The following ADAMTS20 variants were observed in gnomAD, a reference collection of about 807,000 sequenced individuals.
The protein encoded by ADAMTS20 is ADAM metallopeptidase with thrombospondin type 1 motif 20.
In ADAMTS20, 225 loss-of-function variants were observed where a neutral mutation model predicts 260.1. The ratio of observed to expected loss-of-function variants is 0.87; its 90% CI spans 0.78 to 0.97. The LOEUF is 0.97. Among genes scored for constraint, ADAMTS20 ranks in the 50% least tolerant of loss-of-function variants. The pLI, the probability that ADAMTS20 is intolerant of heterozygous loss-of-function variation, is 0.00. For synonymous variants in ADAMTS20, 802 were observed against 769.5 expected, an observed-to-expected ratio of 1.04 and a Z score of -0.70; for missense variants, 2,400 against 2,337.7, an observed-to-expected ratio of 1.03 and a Z score of -0.55.
intron 31 of ADAMTS20, among the ~76,000 whole-genome samples, chr12:43,381,618 C>A (rs867159111): frequency 0.028 from 2,797 of 101,600 alleles, no homozygotes; most frequent in Middle Eastern, 0.032. Context: ...CCCATCTCTA[C>A]AAAAAAAAAA....
At chr12:43,539,879 A>G (rs1414570843) in intron 2 of ADAMTS20, among the ~76,000 whole-genome samples, 2 of 141,092 alleles carry the variant, frequency 1.4e-5, no homozygotes, top group Non-Finnish European at 3.1e-5. Context: ...ACTTATATTA[A>G]CCATAGATTT....
At chr12:43,377,285 G>C in intron 32 of ADAMTS20, 80 bp downstream of exon 32, 1 of 1,266,922 alleles carries the variant, frequency 7.9e-7, no homozygotes, top group Non-Finnish European at 1.1e-6. Flanking sequence ...GATCTAGTTA[G>C]ACATACAAAC....
intron 3 of ADAMTS20, among the ~76,000 whole-genome samples, chr12:43,511,279 C>T (rs1261153738): frequency 1.3e-5 from 2 of 152,008 alleles, no homozygotes; most frequent in Non-Finnish European, 2.9e-5. Context: ...CAAAAAGATT[C>T]ATTTTTAGAA....
chr12:43,549,832 T>G (rs1943489007), intron 2 of ADAMTS20, among the ~76,000 whole-genome samples: 1 of 152,188 alleles, frequency 6.6e-6, no homozygotes, highest in South Asian at 2.1e-4. Flanking sequence ...GAAGACATCT[T>G]AAATCAGTTA....
chr12:43,377,421 G>C lies in ADAMTS20; in HGVS notation c.4939C>G (p.Gln1647Glu). The C allele has an allele frequency of 1.2e-6, 2 of 1,613,386 alleles. No homozygotes were observed. The highest frequency in any genetic ancestry group is 8.5e-7 in the Non-Finnish European group (1 of 1,179,622). ...CPVVPSSQVY[Q>E]CINSCLHLAT... ...AAATGCAAACAGCTGTTAATGCATT[G>C]GTAAACCTGAGAGGAAGGCACCACA... is the stretch of plus-strand genomic sequence containing the variant. The change falls in exon 32 of 39, where the codon CAA becomes GAA. Residue 1647 changes from glutamine (Q) to glutamate (E), a missense_variant. Physicochemically the swap from Gln to Glu is conservative, Grantham distance 29. Transcript: ENST00000389420.
intron 6 of ADAMTS20, 68 bp from the exon 7 acceptor site, chr12:43,490,503 A>G (rs1026949838): frequency 8.2e-5 from 68 of 828,402 alleles, no homozygotes; most frequent in Middle Eastern, 4.7e-4. Flanking sequence ...AAATAAAAAT[A>G]AAGAAGCTTT....
At position 43,463,188 on chromosome 12, in the gene ADAMTS20, AT is replaced by A. The variant is rs528611385; in HGVS notation, c.1510-190del. The stretch of plus-strand genomic sequence containing the variant: ...TCTTCTAAATACATAAAATTGTGAC[AT>A]TTTCTTTAAAACTTTTTAAAAAAAT... On this transcript the variant is annotated intron_variant, in intron 10 of 38. Transcript: ENST00000389420. Among the ~76,000 whole-genome samples the A allele has an allele frequency of 6.6e-5, 10 of 152,322 alleles. No individual in the cohort carries two copies. The East Asian group carries it at 1.9e-3, about 29-fold the overall frequency.
chr12:43,469,623 A>G (rs989967876), intron 7 of ADAMTS20, among the ~76,000 whole-genome samples: 2 of 152,088 alleles, frequency 1.3e-5, no homozygotes, highest in African/African-American at 4.8e-5. Context: ...CCTTTCACAA[A>G]AAAAAGATTT....
rs535341386 is a variant in ADAMTS20, at chr12:43,435,696, T to TA, written c.2594-1326dup. Reference sequence around the variant, plus strand: ...ATAAAAATAAAATAAAAAAAGTCTATAAAAAAAAAAAACATGGATACAGAT... The same window carrying TA: ...ATAAAAATAAAATAAAAAAAGTCTATAAAAAAAAAAAAACATGGATACAGAT... On this transcript the variant is annotated intron_variant, in intron 18 of 38. Coordinates refer to ENST00000389420, the MANE Select transcript of ADAMTS20 (RefSeq NM_025003.5). 4.7e-3 allele frequency among the ~76,000 whole-genome samples: 548 copies of TA among 116,996 alleles called. 6 individuals are homozygous for TA. Among genetic ancestry groups the TA allele is most frequent in the African/African-American group, 0.012 (390 of 32,116 alleles). 76.8% of individuals were successfully genotyped at this position (116,996 alleles called of 152,430 possible).
At chr12:43,406,721 T>C (rs531476001) in intron 28 of ADAMTS20, among the ~76,000 whole-genome samples, 2 of 152,192 alleles carry the variant, frequency 1.3e-5, no homozygotes, top group East Asian at 3.9e-4. Context: ...CCCACTACAG[T>C]AAAATCTTAG....
At chr12:43,444,357 T>A (rs1941722351) in intron 15 of ADAMTS20, among the ~76,000 whole-genome samples, 1 of 152,042 alleles carries the variant, frequency 6.6e-6, no homozygotes, top group Non-Finnish European at 1.5e-5. Context: ...ATTTTTCAAT[T>A]TCATTATTGA....
intron 2 of ADAMTS20, among the ~76,000 whole-genome samples, chr12:43,535,282 T>A (rs1943278816): frequency 6.6e-6 from 1 of 152,164 alleles, no homozygotes; most frequent in African/African-American, 2.4e-5. Context: ...TAGGTATTTG[T>A]TAAACCGTGA....
intron 4 of ADAMTS20, among the ~76,000 whole-genome samples, chr12:43,501,481 G>GCGCGCGCA (rs373746834): frequency 8.5e-6 from 1 of 117,810 alleles, no homozygotes; most frequent in African/African-American, 3.2e-5. Context: ...GCGCGCGCGC[G>GCGCGCGCA]CACACACACA....
chr12:43,535,864 T>G (rs919432362), intron 2 of ADAMTS20, among the ~76,000 whole-genome samples: 10 of 152,136 alleles, frequency 6.6e-5, no homozygotes, highest in Admixed American at 6.5e-4. Context: ...GACTGAACAA[T>G]TGTACAACTA....
At chr12:43,443,561 A>G (rs1941706018) in intron 16 of ADAMTS20, among the ~76,000 whole-genome samples, 1 of 152,158 alleles carries the variant, frequency 6.6e-6, no homozygotes, top group African/African-American at 2.4e-5. Flanking sequence ...ATACACGAGA[A>G]AAAAACTGAA....
At chr12:43,439,840 C>G in intron 17 of ADAMTS20, 57 bp downstream of exon 17, 1 of 1,556,610 alleles carries the variant, frequency 6.4e-7, no homozygotes. Flanking sequence ...AGCACTTAAC[C>G]AGTAGTTTAC....
intron 3 of ADAMTS20, among the ~76,000 whole-genome samples, chr12:43,516,755 C>A (rs552512549): frequency 5.3e-5 from 8 of 151,724 alleles, no homozygotes; most frequent in African/African-American, 1.9e-4. Flanking sequence ...AAACTATGCA[C>A]GTTGTGCACA....
At position 43,464,581 on chromosome 12, in the gene ADAMTS20, C is replaced by A. The variant is rs757981926; in HGVS notation, c.1509+10G>T. ...TTTTCGAACAAAATAAAGGAATTTT[C>A]TTTTCTTACTATATGGGGACACATT... On this transcript the variant is annotated intron_variant, in intron 10 of 38. Coordinates refer to ENST00000389420, the MANE Select transcript of ADAMTS20 (RefSeq NM_025003.5). 1 of 1,604,454 alleles carries A rather than the reference C, an allele frequency of 6.2e-7. No homozygotes were observed. Among genetic ancestry groups the A allele is most frequent in the East Asian group, 2.2e-5 (1 of 44,688 alleles).
At chr12:43,441,136 C>G (rs1208350815) in intron 16 of ADAMTS20, among the ~76,000 whole-genome samples, 1 of 151,830 alleles carries the variant, frequency 6.6e-6, no homozygotes, top group Non-Finnish European at 1.5e-5. Context: ...ATGCCATTCT[C>G]TATACAAACG....
Sources: allele counts gnomAD v4.1 joint callset (sites outside exome capture counted in the v4.1 genomes callset), GRCh38; gene constraint gnomAD v4.1.1; transcripts MANE v1.5; gene names NCBI Gene and HGNC (gene_info 2026-07-23, HGNC 2026-07-21).